Variants in PCDHA2 observed in about 807,000 individuals in gnomAD.
The protein encoded by PCDHA2 is protocadherin alpha 2.
Under a neutral mutation model 66.0 loss-of-function variants are expected in PCDHA2, and 58 were observed. The ratio of observed to expected loss-of-function variants is 0.88; its 90% confidence interval spans 0.71 to 1.09. The LOEUF is 1.09. Ranked by LOEUF, PCDHA2 falls within the 50% of genes least tolerant of loss-of-function variation. The pLI, the probability that PCDHA2 is intolerant of heterozygous loss-of-function variation, is 0.00. For missense variants in PCDHA2, 1,267 were observed against 1,242.3 expected (o/e 1.02, Z -0.30); for synonymous variants, 634 against 554.0 (o/e 1.14, Z -2.03).
chr5:140,835,493 A>T (rs147393584), intron 1 of PCDHA2: 3 of 1,613,914 alleles, frequency 1.9e-6, no homozygotes, highest in African/African-American at 1.3e-5. Context: ...CCGTCATCAC[A>T]TTGATTAGCG....
intron 1 of PCDHA2, among the ~76,000 whole-genome samples, chr5:140,898,221 T>C (rs1238265746): frequency 6.6e-6 from 1 of 152,230 alleles, no homozygotes; most frequent in South Asian, 2.1e-4. Flanking sequence ...ATTTTGGCTT[T>C]TGTTGCCATT....
intron 1 of PCDHA2, among the ~76,000 whole-genome samples, chr5:140,913,895 C>A (rs2076500910): frequency 6.6e-6 from 1 of 152,066 alleles, no homozygotes; most frequent in South Asian, 2.1e-4. Flanking sequence ...TTCCAAAATT[C>A]CCCTTTTTTA....
At chr5:140,869,882 T>C (rs1181573683) in intron 1 of PCDHA2, 1 of 1,610,250 alleles carries the variant, frequency 6.2e-7, no homozygotes, top group African/African-American at 1.3e-5. Flanking sequence ...AAAGAAACTC[T>C]TGTGCTCAAA....
intron 1 of PCDHA2, among the ~76,000 whole-genome samples, chr5:140,909,668 CA>C (rs1554193872): frequency 6.6e-6 from 1 of 152,162 alleles, no homozygotes; most frequent in Non-Finnish European, 1.5e-5. Context: ...CTCACTCTAC[CA>C]GTCAGGGAGC....
chr5:140,828,689 T>C (rs1769888255), intron 1 of PCDHA2: 3 of 1,614,072 alleles, frequency 1.9e-6, no homozygotes, highest in African/African-American at 1.3e-5. Flanking sequence ...AAAGAAATCC[T>C]TGGACAGAGA....
intron 1 of PCDHA2, among the ~76,000 whole-genome samples, chr5:140,901,420 C>G (rs2153473414): frequency 6.6e-6 from 1 of 152,248 alleles, no homozygotes; most frequent in East Asian, 1.9e-4. Context: ...TAGTTTCATT[C>G]CTCTGCATAT....
At chr5:141,007,149 T>G (rs980574316) in intron 3 of PCDHA2, among the ~76,000 whole-genome samples, 12 of 152,084 alleles carry the variant, frequency 7.9e-5, no homozygotes, top group African/African-American at 2.9e-4. Context: ...CAAAGGAAAC[T>G]GTCAAAGAAC....
intron 1 of PCDHA2, chr5:140,869,704 G>C: frequency 6.2e-7 from 1 of 1,613,400 alleles, no homozygotes; most frequent in Non-Finnish European, 8.5e-7. Flanking sequence ...GAAGTCTCTG[G>C]ATAGAGAGAA....
intron 1 of PCDHA2, chr5:140,863,200 GC>G: frequency 1.1e-6 from 1 of 918,418 alleles, no homozygotes. Context: ...GGCGTCGCTG[GC>G]GGAGAGCAGC....
At chr5:140,868,895 G>C in intron 1 of PCDHA2, 2 of 777,188 alleles carry the variant, frequency 2.6e-6, no homozygotes, top group Non-Finnish European at 4.0e-6. Flanking sequence ...TAGGCGCAAG[G>C]TGTCGCTCTT....
Position 140,849,718 on chromosome 5 carries a change from T to C in PCDHA2, c.2388+52366T>C, listed in dbSNP as rs2150446533. The C allele has an allele frequency of 2.5e-6, 4 of 1,598,570 alleles. 1 individual carries two copies. Among genetic ancestry groups the C allele is most frequent in the Non-Finnish European group, 3.4e-6 (4 of 1,168,006 alleles). On this transcript the variant is annotated intron_variant, in intron 1 of 3. Coordinates refer to ENST00000526136, the MANE Select transcript of PCDHA2 (RefSeq NM_018905.3). Reference sequence around the variant, plus strand: ...ACCTACAAGAATTACTACTCGTTGGTGCTGGACAGAGCTCTGGACCGCGAG... The same window carrying C: ...ACCTACAAGAATTACTACTCGTTGGCGCTGGACAGAGCTCTGGACCGCGAG...
chr5:140,957,038 C>T (rs534661886), intron 1 of PCDHA2, among the ~76,000 whole-genome samples: 1 of 152,048 alleles, frequency 6.6e-6, no homozygotes, highest in South Asian at 2.1e-4. Context: ...TTATGGGAGT[C>T]ATATAAAATA....
rs558285081 is a variant in PCDHA2, at chr5:140,807,778, G to T, written c.2388+10426G>T. On this transcript the variant is annotated intron_variant, in intron 1 of 3. Coordinates refer to ENST00000526136, the MANE Select transcript of PCDHA2 (RefSeq NM_018905.3). The stretch of plus-strand genomic sequence containing the variant: ...TAAAAGGTCTTGGGCTTATATTACG[G>T]AAATCTTTAGACAGAGAAGAAGCTC... 3.1e-6 allele frequency: 5 copies of T among 1,614,134 alleles called. No homozygotes were observed. In the African/African-American group the frequency reaches 6.7e-5, roughly 22 times the overall value.
At chr5:140,843,240 C>T (rs2150355693) in intron 1 of PCDHA2, 1 of 1,595,944 alleles carries the variant, frequency 6.3e-7, no homozygotes, top group Non-Finnish European at 8.6e-7. Context: ...CTGGACGAAG[C>T]GGACTCTCCG....
intron 1 of PCDHA2, chr5:140,828,325 T>C (rs2150154082): frequency 6.2e-7 from 1 of 1,614,220 alleles, no homozygotes. Flanking sequence ...TGGAGGTAAA[T>C]CTGCAGAATG....
intron 1 of PCDHA2, chr5:140,825,159 C>T (rs2150138448): frequency 9.9e-5 from 15 of 151,540 alleles, no homozygotes; most frequent in Admixed American, 4.6e-4. Context: ...TTTAATCTTG[C>T]TTTTTTCATT....
At chr5:140,950,608 T>G (rs1490243292) in intron 1 of PCDHA2, among the ~76,000 whole-genome samples, 1 of 152,086 alleles carries the variant, frequency 6.6e-6, no homozygotes, top group Non-Finnish European at 1.5e-5. Context: ...GACTATGATG[T>G]GCTTATTTAT....
intron 1 of PCDHA2, among the ~76,000 whole-genome samples, chr5:140,947,863 G>A (rs1438094304): frequency 6.6e-6 from 1 of 151,230 alleles, no homozygotes; most frequent in Non-Finnish European, 1.5e-5. Flanking sequence ...CATTATAATG[G>A]CTAGGACTTC....
At chr5:140,962,601 C>T (rs1227208523) in intron 1 of PCDHA2, among the ~76,000 whole-genome samples, 1 of 152,160 alleles carries the variant, frequency 6.6e-6, no homozygotes, top group African/African-American at 2.4e-5. Context: ...TGATATATTT[C>T]TTCTGGAGGA....
Sources: gnomAD v4.1 joint callset for allele counts (sites outside exome capture counted in the v4.1 genomes callset) on GRCh38, gnomAD v4.1.1 for gene constraint, MANE v1.5 for transcripts, NCBI Gene and HGNC (gene_info 2026-07-23, HGNC 2026-07-21) for gene names.